TRAPPC12: variants seen among roughly 807,000 people sequenced by gnomAD.
TRAPPC12 encodes the protein TPR repeat protein 15.
Under a neutral mutation model 69.2 loss-of-function variants are expected in TRAPPC12, and 61 were observed. The observed-to-expected ratio is 0.88, with a 90% confidence interval of 0.72 to 1.09. The LOEUF (loss-of-function observed/expected upper bound fraction) is 1.09. TRAPPC12 is among the 50% of genes least tolerant of loss of function. The probability of loss-of-function intolerance (pLI) is 0.00; values close to 1 mark genes in which losing one functional copy is unlikely to be tolerated. For synonymous variants in TRAPPC12, 469 were observed against 438.9 expected (o/e 1.07, Z -0.86); for missense variants, 1,101 against 1,016.4 (o/e 1.08, Z -1.13).
intron 1 of TRAPPC12, among the ~76,000 whole-genome samples, chr2:3,387,194 T>C (rs1417920485): frequency 6.6e-6 from 1 of 152,144 alleles, no homozygotes; most frequent in Non-Finnish European, 1.5e-5. Flanking sequence ...ATATTTTTCA[T>C]CCATAAAAAG....
chr2:3,435,653 A>G (rs1183645085), intron 5 of TRAPPC12, among the ~76,000 whole-genome samples: 1 of 152,222 alleles, frequency 6.6e-6, no homozygotes, highest in East Asian at 1.9e-4. Context: ...AGAGTCCACG[A>G]GTACAAGCAG....
rs564877562 is a variant in TRAPPC12 at position 3,392,718 on chromosome 2, C to T, written c.1047+4048C>T. 7.2e-5 allele frequency among the ~76,000 whole-genome samples: 11 copies of T among 152,322 alleles called. No homozygotes were observed. In the South Asian group the frequency reaches 1.0e-3, roughly 14 times the overall value. On this transcript the variant is annotated intron_variant, in intron 2 of 11. Transcript: ENST00000324266. Reference sequence around the variant, plus strand: ...TGGTGAGGGTGTGGAGAAAGGGACCCTTGTGCACTGTTGGTGGGAATGTAA... The same window carrying T: ...TGGTGAGGGTGTGGAGAAAGGGACCTTTGTGCACTGTTGGTGGGAATGTAA...
At chr2:3,463,843 G>C (rs1456537070) in intron 8 of TRAPPC12, among the ~76,000 whole-genome samples, 1 of 152,140 alleles carries the variant, frequency 6.6e-6, no homozygotes, top group East Asian at 1.9e-4. Flanking sequence ...TGTGGGATTA[G>C]AACAGACATT....
chr2:3,415,179 G>A (rs769696225), intron 3 of TRAPPC12, among the ~76,000 whole-genome samples: 12 of 152,298 alleles, frequency 7.9e-5, no homozygotes, highest in Middle Eastern at 3.4e-3. Context: ...GTGCAAAAGC[G>A]CTCCCCTTTC....
In TRAPPC12 at chr2:3,387,844, ACTCCCC is replaced by A. The variant is rs758443364; in HGVS notation, c.223_228del (p.Ser75_Pro76del). 29 of 1,604,690 alleles carry A rather than the reference ACTCCCC, an allele frequency of 1.8e-5. No homozygotes were observed. In the South Asian group the frequency reaches 3.1e-4, roughly 17 times the overall value. ...ATGATGGAGAGCGTCCTCATCTCTG[ACTCCCC>A]CAACAGCGAGGGCGACGCGGGCGAC... On this transcript the variant is annotated inframe_deletion, in exon 2 of 12. Coordinates refer to ENST00000324266, the MANE Select transcript of TRAPPC12 (RefSeq NM_016030.6).
intron 2 of TRAPPC12, among the ~76,000 whole-genome samples, chr2:3,394,968 AAAT>A (rs1314213927): frequency 2.0e-5 from 3 of 152,212 alleles, no homozygotes; most frequent in Non-Finnish European, 4.4e-5. Context: ...TAATTTAGCA[AAAT>A]AATGTTGGGA....
chr2:3,418,779 G>A (rs149944682), intron 3 of TRAPPC12, among the ~76,000 whole-genome samples: 1,746 of 152,254 alleles, frequency 0.011, 119 homozygotes, highest in Admixed American at 0.1. Flanking sequence ...CTACACGGAC[G>A]CCTTAAGTTC....
rs1046869122 is a variant in TRAPPC12 at position 3,388,204 on chromosome 2, G to C, written c.581G>C (p.Arg194Thr). ...GGTGGCGCCAGCGAGGCCTCGGCCA[G>C]GACACCGCCCCAGGTCGTGCAGCCC... The part of the protein sequence containing the change: ...SFGGASEASA[R>T]TPPQVVQPSP... Residue 194 changes from arginine to threonine, a missense_variant, in exon 2 of 12, where the codon AGG becomes ACG. By Grantham distance (71) the Arg-to-Thr change is moderately conservative. Transcript: ENST00000324266. 1 of 1,609,482 alleles carries C rather than the reference G, an allele frequency of 6.2e-7. No homozygotes were observed. Among genetic ancestry groups the C allele is most frequent in the African/African-American group, 1.3e-5 (1 of 74,460 alleles).
chr2:3,382,130 C>CTTTT (rs70938942), intron 1 of TRAPPC12, among the ~76,000 whole-genome samples: 9 of 93,586 alleles, frequency 9.6e-5, no homozygotes, highest in African/African-American at 1.3e-4. Context: ...TTTATTTCCA[C>CTTTT]TTTTTTTTTT....
intron 1 of TRAPPC12, among the ~76,000 whole-genome samples, chr2:3,383,563 C>T (rs556800741): frequency 2.0e-5 from 3 of 152,004 alleles, no homozygotes; most frequent in Admixed American, 6.6e-5. Flanking sequence ...CCCGCCACCA[C>T]ACCTGGCTAA....
chr2:3,424,988 C>T (rs941458794), intron 5 of TRAPPC12, among the ~76,000 whole-genome samples: 3 of 152,334 alleles, frequency 2.0e-5, no homozygotes, highest in East Asian at 3.9e-4. Context: ...CGTCCCATAT[C>T]GGGACCTGGC....
intron 9 of TRAPPC12, chr2:3,467,545 C>T (rs560806344): frequency 2.0e-5 from 3 of 152,350 alleles, no homozygotes; most frequent in African/African-American, 7.2e-5. Context: ...GCCATCTGCA[C>T]ATACAGAAAA....
rs1473702064 is a variant in TRAPPC12 at position 3,415,747 on chromosome 2, C to G, written c.1165-6134C>G. ...TTTTTTTTTTTTTGAGGCAGAGTCT[C>G]GCTCTGTTGCCCAGGCTGGAGTACA... On this transcript the variant is annotated intron_variant, in intron 3 of 11. Coordinates refer to ENST00000324266, the MANE Select transcript of TRAPPC12 (RefSeq NM_016030.6). Among the ~76,000 whole-genome samples, 4 of 134,198 alleles carry G rather than the reference C, an allele frequency of 3.0e-5. No homozygotes were observed. In the South Asian group the frequency reaches 9.6e-4, roughly 32 times the overall value. The allele number at this position is 134,198 out of a possible 152,430, so 88.0% of individuals were successfully genotyped here. A position where few individuals can be genotyped will look rare whatever the true frequency, so the allele number is the denominator to read the frequency against.
intron 3 of TRAPPC12, among the ~76,000 whole-genome samples, chr2:3,402,430 A>G (rs1661496263): frequency 6.6e-6 from 1 of 152,112 alleles, no homozygotes; most frequent in Non-Finnish European, 1.5e-5. Context: ...CTCTACTAAA[A>G]ATACAAAAAT....
intron 6 of TRAPPC12, among the ~76,000 whole-genome samples, chr2:3,444,443 C>A (rs1664402434): frequency 6.6e-6 from 1 of 152,228 alleles, no homozygotes; most frequent in South Asian, 2.1e-4. Flanking sequence ...CGTTATTACA[C>A]TAACTGACAT....
In TRAPPC12 at chr2:3,387,675, C is replaced by A. The variant is rs754906792; in HGVS notation, c.52C>A (p.Pro18Thr). 10 of 1,557,060 alleles carry A rather than the reference C, an allele frequency of 6.4e-6. No individual in the cohort carries two copies. The South Asian group carries it at 7.1e-5, about 11-fold the overall frequency. Reference sequence around the variant, plus strand: ...GACCCCGGCCCCGGAGGCCCCGCACCCCCCTCAGCTCGCGCCTCCGGAGGA... The same window carrying A: ...GACCCCGGCCCCGGAGGCCCCGCACACCCCTCAGCTCGCGCCTCCGGAGGA... Reference protein sequence around the residue: ...EETPAPEAPHPPQLAPPEEQG... With the variant: ...EETPAPEAPHTPQLAPPEEQG... The change falls in exon 2 of 12, where the codon CCC (proline) becomes ACC (threonine). Residue 18 changes from proline to threonine, a missense_variant. Transcript: ENST00000324266.
intron 3 of TRAPPC12, among the ~76,000 whole-genome samples, chr2:3,404,995 A>G (rs1224114433): frequency 6.6e-6 from 1 of 152,068 alleles, no homozygotes; most frequent in Non-Finnish European, 1.5e-5. Flanking sequence ...AAGGATTTGA[A>G]AGGAATGAAA....
intron 5 of TRAPPC12, among the ~76,000 whole-genome samples, chr2:3,429,578 A>G (rs1383328803): frequency 6.6e-6 from 1 of 152,192 alleles, no homozygotes; most frequent in Non-Finnish European, 1.5e-5. Context: ...GTACTCTTGC[A>G]TTGCACAGGA....
intron 1 of TRAPPC12, among the ~76,000 whole-genome samples, chr2:3,384,270 G>C (rs1490998648): frequency 6.6e-6 from 1 of 152,140 alleles, no homozygotes; most frequent in Non-Finnish European, 1.5e-5. Context: ...ATGAAGGTTT[G>C]TATTTTTTTC....
Sources: allele counts gnomAD v4.1 joint callset (sites outside exome capture counted in the v4.1 genomes callset), GRCh38; gene constraint gnomAD v4.1.1; transcripts MANE v1.5; gene names NCBI Gene and HGNC (gene_info 2026-07-23, HGNC 2026-07-21).